Variants in NPBWR2 observed in about 807,000 individuals in gnomAD.
NPBWR2 encodes neuropeptides B and W receptor 2.
For missense variants in NPBWR2, 390 were observed against 458.2 expected, an observed-to-expected ratio of 0.85 and a Z score of 1.36; for synonymous variants, 207 against 223.5, an observed-to-expected ratio of 0.93 and a Z score of 0.66.
chr20:64,106,871 G>T lies in NPBWR2; in HGVS notation c.-40C>A. On this transcript the variant is annotated 5_prime_UTR_variant, in exon 2 of 2. Coordinates refer to ENST00000684052, the MANE Select transcript of NPBWR2 (RefSeq NM_005286.4). This position sits in a 1 kb window ranked among gnomAD's most constrained non-coding sequence, Gnocchi z 9.5. ...TTGACGATTTGCGCCCTGGGCAGGT[G>T]GGAGGTGCCTTGGAGTTGGGTATCT... is the stretch of plus-strand genomic sequence containing the variant. The T allele has an allele frequency of 6.3e-7, 1 of 1,585,404 alleles. No individual in the cohort carries two copies. The highest frequency in any genetic ancestry group is 1.1e-5 in the South Asian group (1 of 88,974).
In NPBWR2 at chr20:64,104,002, G is replaced by A. The variant is rs1979863429; in HGVS notation, c.*1828C>T. ...GTGGGCATACACCCTGGGACACCTC[G>A]TGGGGCGGTGAATGGTGGGTCCTGT... On this transcript the variant is annotated 3_prime_UTR_variant, in exon 2 of 2. Transcript: ENST00000684052. Among the ~76,000 whole-genome samples, 1 of 152,162 alleles carries A rather than the reference G, an allele frequency of 6.6e-6. No homozygotes were observed. The highest frequency in any genetic ancestry group is 1.5e-5 in the Non-Finnish European group (1 of 68,028).
Position 64,106,061 on chromosome 20 carries a change from CT to C in NPBWR2, c.770del (p.Lys257ArgfsTer2), listed in dbSNP as rs1168034141. On this transcript the variant is annotated frameshift_variant, in exon 2 of 2. Coordinates refer to ENST00000684052, the MANE Select transcript of NPBWR2 (RefSeq NM_005286.4). LOFTEE classifies it low-confidence loss of function (END_TRUNC). This position sits in a 1 kb window ranked among gnomAD's most constrained non-coding sequence, Gnocchi z 9.5. The part of the protein sequence containing the change: ...GAKALGKARR[K>X]VTVLVLVVLA... ...GCACGACGAGGACCAGGACGGTCAC[CT>C]TCCGCCTGGCCTTGCCTAGAGCCTT... 2 of 1,610,568 alleles carry C rather than the reference CT, an allele frequency of 1.2e-6. No homozygotes were observed. Among genetic ancestry groups the C allele is most frequent in the East Asian group, 4.5e-5 (2 of 44,840 alleles).
chr20:64,105,518 C>CGTGATGATGGGG lies in NPBWR2; in HGVS notation c.*300_*311dup, dbSNP rs1377695970. 2.3e-5 allele frequency among the ~76,000 whole-genome samples: 1 copy of CGTGATGATGGGG among 44,236 alleles called. No individual in the cohort carries two copies. The highest frequency in any genetic ancestry group is 4.3e-5 in the Non-Finnish European group (1 of 23,352). 29.0% of individuals were successfully genotyped at this position (44,236 alleles called of 152,430 possible). A position where few individuals can be genotyped will look rare whatever the true frequency, so the allele number is the denominator to read the frequency against. On this transcript the variant is annotated 3_prime_UTR_variant, in exon 2 of 2. Coordinates refer to ENST00000684052, the MANE Select transcript of NPBWR2 (RefSeq NM_005286.4). ...ACAGCCGGAACTGGGTGGGGGTGGG[C>CGTGATGATGGGG]GTGATGATGGGGGTGATGGTGGGGG...
At position 64,104,467 on chromosome 20, in the gene NPBWR2, A is replaced by C. The variant is rs1196752003; in HGVS notation, c.*1363T>G. On this transcript the variant is annotated 3_prime_UTR_variant, in exon 2 of 2. Coordinates refer to ENST00000684052, the MANE Select transcript of NPBWR2 (RefSeq NM_005286.4). ...CAGCAGGGGTGTACAGGCCATGGCG[A>C]GGACCGTCGGCCACAGCAGGGGGGT... 6.6e-6 allele frequency among the ~76,000 whole-genome samples: 1 copy of C among 151,646 alleles called. No homozygotes were observed. Among genetic ancestry groups the C allele is most frequent in the Non-Finnish European group, 1.5e-5 (1 of 67,874 alleles).
rs960772562 is a variant in NPBWR2 at position 64,106,484 on chromosome 20, G to A, written c.348C>T (p.Leu116=). Residue 116 remains leucine (L), a synonymous_variant, in exon 2 of 2, where the codon CTC becomes CTT. Transcript: ENST00000684052. The surrounding 1 kb of genome is among the most constrained non-coding windows in gnomAD (Gnocchi z 9.5). ...GGTCGACGGCCAGCACCAGCTTGCAGAGCAGCTCCCCGAAGGGCCAGTACT... is the reference window on the plus strand; with the variant it reads ...GGTCGACGGCCAGCACCAGCTTGCAAAGCAGCTCCCCGAAGGGCCAGTACT... ...LLQYWPFGEL[L]CKLVLAVDHY... 6.2e-7 allele frequency: 1 copy of A among 1,612,594 alleles called. No individual in the cohort carries two copies. The highest frequency in any genetic ancestry group is 8.5e-7 in the Non-Finnish European group (1 of 1,180,024).
rs200676986 is a variant in NPBWR2 at position 64,106,857 on chromosome 20, C to T, written c.-26G>A. On this transcript the variant is annotated 5_prime_UTR_variant, in exon 2 of 2. Coordinates refer to ENST00000684052, the MANE Select transcript of NPBWR2 (RefSeq NM_005286.4). This position sits in a 1 kb window ranked among gnomAD's most constrained non-coding sequence, Gnocchi z 9.5. Reference sequence around the variant, plus strand: ...TGTAGCTGGGACCGTTGACGATTTGCGCCCTGGGCAGGTGGGAGGTGCCTT... The same window carrying T: ...TGTAGCTGGGACCGTTGACGATTTGTGCCCTGGGCAGGTGGGAGGTGCCTT... 66 of 1,594,430 alleles carry T rather than the reference C, an allele frequency of 4.1e-5. 1 individual carries two copies. The highest frequency in any genetic ancestry group is 1.7e-4 in the Admixed American group (10 of 59,142).
At position 64,106,669 on chromosome 20, in the gene NPBWR2, T is replaced by G; in HGVS notation, c.163A>C (p.Ile55Leu). 6.2e-7 allele frequency: 1 copy of G among 1,612,634 alleles called. No individual in the cohort carries two copies. The change falls in exon 2 of 2, where the codon ATC becomes CTC. Residue 55 changes from isoleucine (I) to leucine (L), a missense_variant. Transcript: ENST00000684052. The surrounding 1 kb of genome is among the most constrained non-coding windows in gnomAD (Gnocchi z 9.5). ...YVLLPAVYSG[I>L]CAVGLTGNTA... Reference sequence around the variant, plus strand: ...TTGCCAGTCAGCCCCACAGCACAGATCCCGGAGTACACGGCGGGCAGGAGC... The same window carrying G: ...TTGCCAGTCAGCCCCACAGCACAGAGCCCGGAGTACACGGCGGGCAGGAGC...
chr20:64,107,221 G>A lies in NPBWR2; in HGVS notation c.-92+143C>T, dbSNP rs1308131462. 1 of 273,214 alleles carries A rather than the reference G, an allele frequency of 3.7e-6. No homozygotes were observed. The highest frequency in any genetic ancestry group is 7.3e-6 in the Non-Finnish European group (1 of 137,704). 16.9% of individuals were successfully genotyped at this position (273,214 alleles called of 1,614,324 possible). On this transcript the variant is annotated intron_variant, in intron 1 of 1. Coordinates refer to ENST00000684052, the MANE Select transcript of NPBWR2 (RefSeq NM_005286.4). This position sits in a 1 kb window ranked among gnomAD's most constrained non-coding sequence, Gnocchi z 6.3. ...TGCGTAGAATCAAGCGGTCCCTTTG[G>A]AAACACACCTCCCAAGCTCATCTCT...
Position 64,106,592 on chromosome 20 carries a change from G to A in NPBWR2, c.240C>T (p.Thr80=), listed in dbSNP as rs754263123. 2 of 1,611,802 alleles carry A rather than the reference G, an allele frequency of 1.2e-6. No homozygotes were observed. The highest frequency in any genetic ancestry group is 1.1e-5 in the South Asian group (1 of 91,074). Reference sequence around the variant, plus strand: ...CGGCCAGGTTCAGGATGAACACGTTGGTCACCGTCTTCATCTTGGGCGCCC... The same window carrying A: ...CGGCCAGGTTCAGGATGAACACGTTAGTCACCGTCTTCATCTTGGGCGCCC... The part of the protein sequence containing the change: ...ILRAPKMKTV[T]NVFILNLAVA... Residue 80 remains threonine (T), a synonymous_variant, in exon 2 of 2, where the codon ACC becomes ACT. Transcript: ENST00000684052. This position sits in a 1 kb window ranked among gnomAD's most constrained non-coding sequence, Gnocchi z 9.5.
At position 64,106,477 on chromosome 20, in the gene NPBWR2, G is replaced by A. The variant is rs1168250943; in HGVS notation, c.355C>T (p.Leu119=). ...TTGTAGTGGTCGACGGCCAGCACCA[G>A]CTTGCAGAGCAGCTCCCCGAAGGGC... ...YWPFGELLCK[L]VLAVDHYNIF... is the part of the protein sequence containing the mutation. Residue 119 remains leucine, a synonymous_variant, in exon 2 of 2, where the codon CTG becomes TTG. Coordinates refer to ENST00000684052, the MANE Select transcript of NPBWR2 (RefSeq NM_005286.4). The surrounding 1 kb of genome is among the most constrained non-coding windows in gnomAD (Gnocchi z 9.5). The A allele has an allele frequency of 1.9e-6, 3 of 1,612,624 alleles. No homozygotes were observed. The highest frequency in any genetic ancestry group is 1.3e-5 in the African/African-American group (1 of 74,916).
chr20:64,105,766 T>TGATG lies in NPBWR2; in HGVS notation c.*63_*64insCATC. On this transcript the variant is annotated 3_prime_UTR_variant, in exon 2 of 2. Coordinates refer to ENST00000684052, the MANE Select transcript of NPBWR2 (RefSeq NM_005286.4). ...GATGGGGGTGTGGGCATGATGATGATGGGCGTGATGATGATGGGGGGTGAT... is the reference window on the plus strand; with the variant it reads ...GATGGGGGTGTGGGCATGATGATGATGATGGGGCGTGATGATGATGGGGGGTGAT... 1 of 1,237,178 alleles carries TGATG rather than the reference T, an allele frequency of 8.1e-7. No individual in the cohort carries two copies. The highest frequency in any genetic ancestry group is 1.1e-6 in the Non-Finnish European group (1 of 940,178). 76.6% of individuals were successfully genotyped at this position (1,237,178 alleles called of 1,614,324 possible).
Position 64,107,134 on chromosome 20 carries a change from G to A in NPBWR2, c.-91-212C>T. On this transcript the variant is annotated intron_variant, in intron 1 of 1. Transcript: ENST00000684052. This position sits in a 1 kb window ranked among gnomAD's most constrained non-coding sequence, Gnocchi z 6.3. ...CTCCTCCCGCAGAGAGCAGCTGCTG[G>A]CCACCCTCCTGGGAAGAGATGTGGA... 1 of 506,900 alleles carries A rather than the reference G, an allele frequency of 2.0e-6. No homozygotes were observed. The highest frequency in any genetic ancestry group is 3.7e-6 in the Non-Finnish European group (1 of 273,958). 31.4% of individuals were successfully genotyped at this position (506,900 alleles called of 1,614,324 possible).
At position 64,105,606 on chromosome 20, in the gene NPBWR2, ATGGTGGGGGTGGGGG is replaced by A. The variant is rs1979955066; in HGVS notation, c.*209_*223del. Among the ~76,000 whole-genome samples the A allele has an allele frequency of 1.1e-3, 1 of 906 alleles. No individual in the cohort carries two copies. Among genetic ancestry groups the A allele is most frequent in the Non-Finnish European group, 2.3e-3 (1 of 444 alleles). The allele number at this position is 906 out of a possible 152,430, so 0.6% of individuals were successfully genotyped here. A position where few individuals can be genotyped will look rare whatever the true frequency, so the allele number is the denominator to read the frequency against. ...GGGGGTGGGGGTGATGGTGGGCGTG[ATGGTGGGGGTGGGGG>A]TGATGGGGGTGGGCGTGATGGTGGA... On this transcript the variant is annotated 3_prime_UTR_variant, in exon 2 of 2. Transcript: ENST00000684052.
rs1979967321 is a variant in NPBWR2, at chr20:64,105,647, T to TGGTGGGGGTG, written c.*182_*183insCACCCCCACC. On this transcript the variant is annotated 3_prime_UTR_variant, in exon 2 of 2. Transcript: ENST00000684052. ...TGATGGGGGTGGGCGTGATGGTGGA[T>TGGTGGGGGTG]GTGATGGGGGTGGGCATGATGATGG... 8.9e-5 allele frequency among the ~76,000 whole-genome samples: 1 copy of TGGTGGGGGTG among 11,288 alleles called. No individual in the cohort carries two copies. Among genetic ancestry groups the TGGTGGGGGTG allele is most frequent in the Non-Finnish European group, 1.4e-4 (1 of 7,274 alleles). 7.4% of individuals were successfully genotyped at this position (11,288 alleles called of 152,430 possible).
Position 64,105,848 on chromosome 20 carries a change from GCGGAAGTTCTTC to G in NPBWR2, c.972_983del (p.Lys325_Arg328del), listed in dbSNP as rs778023068. 6.2e-7 allele frequency: 1 copy of G among 1,606,136 alleles called. No homozygotes were observed. The highest frequency in any genetic ancestry group is 1.7e-5 in the Admixed American group (1 of 59,794). On this transcript the variant is annotated inframe_deletion, in exon 2 of 2. Transcript: ENST00000684052. ...AGGCCCTTCAGCACCGCAATATGCT[GCGGAAGTTCTTC>G]CGGAAGTTGTCATCTAGAAAGGCGT...
chr20:64,104,107 G>A lies in NPBWR2; in HGVS notation c.*1723C>T, dbSNP rs759758432. 1.2e-4 allele frequency among the ~76,000 whole-genome samples: 19 copies of A among 152,204 alleles called. No individual in the cohort carries two copies. The highest frequency in any genetic ancestry group is 2.8e-4 in the Non-Finnish European group (19 of 68,014). ...CAGAACACTCACACCTCACTGCCAG[G>A]CTGGAATGCCAGGCATGGAACCAGC... is the stretch of plus-strand genomic sequence containing the variant. On this transcript the variant is annotated 3_prime_UTR_variant, in exon 2 of 2. Coordinates refer to ENST00000684052, the MANE Select transcript of NPBWR2 (RefSeq NM_005286.4).
In NPBWR2 at chr20:64,107,481, G is replaced by A. The variant is rs1222439523; in HGVS notation, c.-209C>T. 1.3e-5 allele frequency among the ~76,000 whole-genome samples: 2 copies of A among 152,224 alleles called. No homozygotes were observed. The highest frequency in any genetic ancestry group is 4.8e-5 in the African/African-American group (2 of 41,458). On this transcript the variant is annotated 5_prime_UTR_variant, in exon 1 of 2. Transcript: ENST00000684052. This position sits in a 1 kb window ranked among gnomAD's most constrained non-coding sequence, Gnocchi z 6.3. ...GGTCCTCACTGACAGACCTCCAGCTGAGGTTTCAGGAGTTTCAAGACCTGC... is the reference window on the plus strand; with the variant it reads ...GGTCCTCACTGACAGACCTCCAGCTAAGGTTTCAGGAGTTTCAAGACCTGC...
rs1028636702 is a variant in NPBWR2, at chr20:64,105,936, T to C, written c.896A>G (p.Tyr299Cys). Residue 299 changes from tyrosine to cysteine, a missense_variant, in exon 2 of 2, where the codon TAC becomes TGC. Tyr to Cys is a radical substitution (Grantham distance 194). Transcript: ENST00000684052. Reference protein sequence around the residue: ...PQTPLVISMSYVITSLSYANS... With the variant: ...PQTPLVISMSCVITSLSYANS... The stretch of plus-strand genomic sequence containing the variant: ...GGCGTAGCTGAGGCTGGTGATGACG[T>C]AGGACATACTGATGACCAGTGGGGT... 6 of 1,612,682 alleles carry C rather than the reference T, an allele frequency of 3.7e-6. No individual in the cohort carries two copies. The African/African-American group carries it at 8.0e-5, about 22-fold the overall frequency.
Position 64,106,012 on chromosome 20 carries a change from T to C in NPBWR2, c.820A>G (p.Thr274Ala). Reference sequence around the variant, plus strand: ...ACGACAGAGGCCAGGTGGAAGGGCGTCCAGCAGAGGAGGCACACGGCCAGC... The same window carrying C: ...ACGACAGAGGCCAGGTGGAAGGGCGCCCAGCAGAGGAGGCACACGGCCAGC... ...VVLAVCLLCWTPFHLASVVAL... is the reference protein window; with the variant it reads ...VVLAVCLLCWAPFHLASVVAL... The change falls in exon 2 of 2, where the codon ACG becomes GCG. Residue 274 changes from threonine (T) to alanine (A), a missense_variant. Coordinates refer to ENST00000684052, the MANE Select transcript of NPBWR2 (RefSeq NM_005286.4). The surrounding 1 kb of genome is among the most constrained non-coding windows in gnomAD (Gnocchi z 9.5). 1 of 1,611,748 alleles carries C rather than the reference T, an allele frequency of 6.2e-7. No homozygotes were observed. The highest frequency in any genetic ancestry group is 8.5e-7 in the Non-Finnish European group (1 of 1,179,752).
Sources: allele counts gnomAD v4.1 joint callset (sites outside exome capture counted in the v4.1 genomes callset), GRCh38; gene constraint gnomAD v4.1.1; non-coding constraint Gnocchi (gnomAD v3.1); transcripts MANE v1.5; gene names NCBI Gene and HGNC (gene_info 2026-07-23, HGNC 2026-07-21).